Variants in MYH15 observed in about 807,000 individuals in gnomAD.
MYH15 encodes the protein myosin-15.
In MYH15, 227 loss-of-function variants were observed where a neutral mutation model predicts 240.5. That is an observed-to-expected ratio of 0.94 (90% CI 0.85 to 1.05). The LOEUF is 1.05. Ranked by LOEUF, MYH15 falls within the 50% of genes least tolerant of loss-of-function variation. The pLI, the probability that MYH15 is intolerant of heterozygous loss-of-function variation, is 0.00. For synonymous variants in MYH15, 785 were observed against 796.7 expected, an observed-to-expected ratio of 0.99 and a Z score of 0.25; for missense variants, 2,217 against 2,247.5, an observed-to-expected ratio of 0.99 and a Z score of 0.27.
intron 25 of MYH15, among the ~76,000 whole-genome samples, chr3:108,436,432 G>A (rs940662743): frequency 1.3e-5 from 2 of 152,194 alleles, no homozygotes; most frequent in Admixed American, 1.3e-4. Flanking sequence ...CCAAGAGCAT[G>A]TATAATAGCA....
Position 108,476,573 on chromosome 3 carries a change from TC to T in MYH15, c.1115-59del. 3 of 1,137,454 alleles carry T rather than the reference TC, an allele frequency of 2.6e-6. No homozygotes were observed. In the South Asian group the frequency reaches 3.8e-5, roughly 14 times the overall value. The allele number at this position is 1,137,454 out of a possible 1,614,324, so 70.5% of individuals were successfully genotyped here. ...AGAGGAAAACACTGTTAAGATTCATTCCATTATAGCCAAACTAACTACCCAG... is the reference window on the plus strand; with the variant it reads ...AGAGGAAAACACTGTTAAGATTCATTCATTATAGCCAAACTAACTACCCAG... On this transcript the variant is annotated intron_variant, in intron 11 of 40. Transcript: ENST00000693548.
chr3:108,492,774 C>G (rs1376226504), intron 8 of MYH15, among the ~76,000 whole-genome samples, 179 bp from the exon 9 acceptor site: 1 of 152,020 alleles, frequency 6.6e-6, no homozygotes, highest in Non-Finnish European at 1.5e-5. Flanking sequence ...TAGTGAGACC[C>G]CATTTCCACA....
Position 108,406,914 on chromosome 3 carries a change from G to A in MYH15, c.4620+1366C>T, listed in dbSNP as rs562256222. ...TGCCAGTTGTATTTTTCATTGGCTTGTCATAGTACTTGAAATTTCTATCAT... is the reference window on the plus strand; with the variant it reads ...TGCCAGTTGTATTTTTCATTGGCTTATCATAGTACTTGAAATTTCTATCAT... On this transcript the variant is annotated intron_variant, in intron 32 of 40. Coordinates refer to ENST00000693548, the MANE Select transcript of MYH15 (RefSeq NM_014981.3). 5.9e-5 allele frequency among the ~76,000 whole-genome samples: 9 copies of A among 152,282 alleles called. 1 individual carries two copies. The highest frequency in any genetic ancestry group is 2.6e-4 in the Admixed American group (4 of 15,290).
At chr3:108,433,111 G>C (rs371973906) in intron 25 of MYH15, among the ~76,000 whole-genome samples, 2 of 152,216 alleles carry the variant, frequency 1.3e-5, no homozygotes, top group African/African-American at 4.8e-5. Flanking sequence ...CTGCAAAGCC[G>C]CAGGGGAGGA....
chr3:108,465,047 C>A (rs1339998535), intron 14 of MYH15, among the ~76,000 whole-genome samples: 1 of 152,186 alleles, frequency 6.6e-6, no homozygotes, highest in Admixed American at 6.5e-5. Flanking sequence ...TACAAAGTGC[C>A]TGTCCTCAGG....
upstream of MYH15, among the ~76,000 whole-genome samples, chr3:108,511,647 A>AG (rs756044257): frequency 8.2e-4 from 125 of 152,346 alleles, no homozygotes; most frequent in Non-Finnish European, 1.3e-3. Flanking sequence ...TCTTCACTCA[A>AG]GCATGCAAGG....
chr3:108,405,288 C>T, intron 33 of MYH15, 50 bp downstream of exon 33: 1 of 1,142,122 alleles, frequency 8.8e-7, no homozygotes, highest in South Asian at 2.1e-5. Context: ...TCTGTTTAGT[C>T]AAGGATTCAG....
At chr3:108,387,936 T>G (rs887736358) in intron 38 of MYH15, among the ~76,000 whole-genome samples, 1 of 152,252 alleles carries the variant, frequency 6.6e-6, no homozygotes, top group Non-Finnish European at 1.5e-5. Context: ...GAAGAAGACT[T>G]TGACATCTTT....
upstream of MYH15, among the ~76,000 whole-genome samples, chr3:108,530,309 G>A (rs2083703170): frequency 6.6e-6 from 1 of 152,188 alleles, no homozygotes; most frequent in Non-Finnish European, 1.5e-5. Context: ...AATTCACAAT[G>A]TCTGGCATCT....
chr3:108,382,635 G>T (rs2082351916), intron 40 of MYH15, among the ~76,000 whole-genome samples: 1 of 152,164 alleles, frequency 6.6e-6, no homozygotes, highest in African/African-American at 2.4e-5. Context: ...TGGAGTCCAA[G>T]AGGGAAGACG....
At chr3:108,397,427 C>T (rs910113880) in intron 35 of MYH15, among the ~76,000 whole-genome samples, 3 of 152,194 alleles carry the variant, frequency 2.0e-5, no homozygotes, top group Non-Finnish European at 2.9e-5. Flanking sequence ...AGCTACCTAA[C>T]TCTTGGATTG....
the MYH15 span, among the ~76,000 whole-genome samples, chr3:108,539,458 TAAATAAATAAAGC>T: frequency 1.3e-5 from 2 of 152,060 alleles, no homozygotes; most frequent in South Asian, 4.1e-4. Flanking sequence ...CACAATATTT[TAAATAAATAAAGC>T]AAGCAACTAT....
At chr3:108,423,103 A>G (rs571651202) in intron 27 of MYH15, among the ~76,000 whole-genome samples, 1 of 152,310 alleles carries the variant, frequency 6.6e-6, no homozygotes, top group East Asian at 1.9e-4. Flanking sequence ...GACTCTCACA[A>G]GGCCAGAGTC....
Position 108,473,111 on chromosome 3 carries a change from G to A in MYH15, c.1234-2264C>T, listed in dbSNP as rs530525808. ...CAACCTCCGCCTCCAAGGTTCAAACGATTCTCTTGCCTCAGCCTCCCAAGT... is the reference window on the plus strand; with the variant it reads ...CAACCTCCGCCTCCAAGGTTCAAACAATTCTCTTGCCTCAGCCTCCCAAGT... On this transcript the variant is annotated intron_variant, in intron 12 of 40. Coordinates refer to ENST00000693548, the MANE Select transcript of MYH15 (RefSeq NM_014981.3). Among the ~76,000 whole-genome samples, 6 of 152,286 alleles carry A rather than the reference G, an allele frequency of 3.9e-5. No individual in the cohort carries two copies. The East Asian group carries it at 1.2e-3, about 29-fold the overall frequency.
At chr3:108,452,307 G>A (rs2082980695) in intron 21 of MYH15, among the ~76,000 whole-genome samples, 1 of 152,180 alleles carries the variant, frequency 6.6e-6, no homozygotes. Context: ...AGAAAATGGA[G>A]TATTTTGAGT....
intron 11 of MYH15, among the ~76,000 whole-genome samples, chr3:108,484,442 C>T (rs2083290308): frequency 1.3e-5 from 2 of 152,038 alleles, no homozygotes; most frequent in African/African-American, 4.8e-5. Flanking sequence ...TCACTTAATA[C>T]ATTTTATCAT....
At chr3:108,522,126 C>A (rs950415417) in intron 1 of MYH15, among the ~76,000 whole-genome samples, 1 of 151,892 alleles carries the variant, frequency 6.6e-6, no homozygotes, top group East Asian at 1.9e-4. Flanking sequence ...GGGACATGCA[C>A]CAATAGACTC....
rs1246833074 is a variant in MYH15 at position 108,394,079 on chromosome 3, C to T, written c.5211G>A (p.Val1737=). ...ARMQKEAEEV[V]QECQNAEEKA... is the part of the protein sequence containing the mutation. ...TCTCTTCTGCATTTTGACACTCCTG[C>T]ACCACCTCTTCAGCTTCTTTCTGCA... Residue 1737 remains valine (V), a synonymous_variant, in exon 36 of 41, where the codon GTG becomes GTA. Coordinates refer to ENST00000693548, the MANE Select transcript of MYH15 (RefSeq NM_014981.3). 1.9e-6 allele frequency: 3 copies of T among 1,614,162 alleles called. No individual in the cohort carries two copies.
At chr3:108,396,488 G>A (rs968822042) in intron 35 of MYH15, among the ~76,000 whole-genome samples, 2 of 152,172 alleles carry the variant, frequency 1.3e-5, no homozygotes, top group Non-Finnish European at 2.9e-5. Context: ...TGCTGCTGCT[G>A]ATCTGACAGG....
Sources: gnomAD v4.1 joint callset for allele counts (sites outside exome capture counted in the v4.1 genomes callset) on GRCh38, gnomAD v4.1.1 for gene constraint, MANE v1.5 for transcripts, NCBI Gene and HGNC (gene_info 2026-07-23, HGNC 2026-07-21) for gene names.